PCDHA7: variants seen among roughly 807,000 people sequenced by gnomAD.
The protein encoded by PCDHA7 is protocadherin alpha 7.
PCDHA7 carries 37 observed loss-of-function variants against 57.2 expected under a neutral mutation model. That is an observed-to-expected ratio of 0.65 (90% CI 0.50 to 0.85). The LOEUF is 0.85. Ranked by LOEUF, PCDHA7 falls within the 40% of genes least tolerant of loss-of-function variation. PCDHA7 has a pLI of 0.00. For missense variants in PCDHA7, 1,188 were observed against 1,241.8 expected (o/e 0.96, Z 0.65); for synonymous variants, 553 against 558.8 (o/e 0.99, Z 0.15).
intron 1 of PCDHA7, chr5:140,858,539 T>G: frequency 7.1e-7 from 1 of 1,399,640 alleles, no homozygotes; most frequent in Admixed American, 2.0e-5. Context: ...TTTGTCTACA[T>G]TCCATTTATG....
rs543804071 is a variant in PCDHA7, at chr5:140,951,447, C to T, written c.2356-27502C>T. Among the ~76,000 whole-genome samples the T allele has an allele frequency of 2.2e-4, 34 of 152,004 alleles. No homozygotes were observed. In the South Asian group the frequency reaches 5.8e-3, roughly 26 times the overall value. On this transcript the variant is annotated intron_variant, in intron 1 of 3. Coordinates refer to ENST00000525929, the MANE Select transcript of PCDHA7 (RefSeq NM_018910.3). ...CCACAGGCTGTAGGAAGCATGATGC[C>T]GGCCATCTGCTTGGCTTCTGGGGAG...
chr5:140,980,085 T>C (rs1294414077), intron 2 of PCDHA7, among the ~76,000 whole-genome samples: 1 of 152,242 alleles, frequency 6.6e-6, no homozygotes, highest in Non-Finnish European at 1.5e-5. Context: ...AGATTAGTAG[T>C]TGGCTTGGTA....
chr5:140,877,987 C>A (rs1290531354), intron 1 of PCDHA7: 13 of 1,151,196 alleles, frequency 1.1e-5, no homozygotes, highest in African/African-American at 3.1e-5. Context: ...TCATTTTGAA[C>A]TTTTATGTAT....
intron 1 of PCDHA7, chr5:140,966,860 T>C (rs1586162562): frequency 3.2e-6 from 5 of 1,577,484 alleles, no homozygotes; most frequent in East Asian, 2.3e-5. Context: ...CCTGCTGCTG[T>C]TGCTGCTGCT....
At chr5:140,934,151 A>G (rs1478465122) in intron 1 of PCDHA7, among the ~76,000 whole-genome samples, 3 of 152,088 alleles carry the variant, frequency 2.0e-5, no homozygotes, top group African/African-American at 7.2e-5. Context: ...TTATATGTTT[A>G]TATTTCAGTG....
intron 1 of PCDHA7, among the ~76,000 whole-genome samples, chr5:140,925,526 C>T (rs2153578026): frequency 6.6e-6 from 1 of 152,028 alleles, no homozygotes; most frequent in Non-Finnish European, 1.5e-5. Flanking sequence ...AAATTAAAAG[C>T]GAGGAGAAAT....
chr5:140,994,473 C>T (rs1199561805), intron 3 of PCDHA7, among the ~76,000 whole-genome samples: 2 of 152,038 alleles, frequency 1.3e-5, no homozygotes, highest in Admixed American at 6.5e-5. Flanking sequence ...GAGGCTGAGG[C>T]GGGTGGATTG....
At position 140,836,649 on chromosome 5, in the gene PCDHA7, C is replaced by T. The variant is rs2150266865; in HGVS notation, c.2266C>T (p.Gln756Ter). The change falls in exon 1 of 4, where the codon CAG becomes TAG. Residue 756 changes from glutamine (Q) to a stop codon, truncating the protein, a stop_gained. Coordinates refer to ENST00000525929, the MANE Select transcript of PCDHA7 (RefSeq NM_018910.3). LOFTEE classifies it high-confidence loss of function. ...CTGGTCATTCTCCCAGCAGAGGCGG[C>T]AGAGGGTGTGCTCTGGGGAGGGCCC... ...GSWSFSQQRR[Q>*]RVCSGEGPPK... The T allele has an allele frequency of 6.2e-6, 10 of 1,613,466 alleles. No homozygotes were observed. The highest frequency in any genetic ancestry group is 8.5e-6 in the Non-Finnish European group (10 of 1,179,602).
At chr5:140,880,045 G>A (rs1345443297) in intron 1 of PCDHA7, among the ~76,000 whole-genome samples, 2 of 152,164 alleles carry the variant, frequency 1.3e-5, no homozygotes, top group Admixed American at 6.5e-5. Flanking sequence ...GGATTAAGAT[G>A]TGGGCATAAC....
intron 1 of PCDHA7, among the ~76,000 whole-genome samples, chr5:140,879,652 TAACA>T (rs2058069934): frequency 6.6e-6 from 1 of 152,226 alleles, no homozygotes; most frequent in African/African-American, 2.4e-5. Context: ...GTGGCTGCTA[TAACA>T]AACGAACACA....
chr5:140,935,921 C>G (rs1480748257), intron 1 of PCDHA7, among the ~76,000 whole-genome samples: 2 of 129,532 alleles, frequency 1.5e-5, no homozygotes, highest in African/African-American at 5.8e-5. Context: ...GAGACAGATT[C>G]TCATTCTGTT....
At chr5:140,941,194 T>TCTTC (rs781904538) in intron 1 of PCDHA7, among the ~76,000 whole-genome samples, 2 of 112,354 alleles carry the variant, frequency 1.8e-5, no homozygotes, top group Non-Finnish European at 3.8e-5. Context: ...TCTTTTTTTT[T>TCTTC]CTTTCTTCCT....
At chr5:140,980,437 C>G (rs1586844281) in intron 2 of PCDHA7, among the ~76,000 whole-genome samples, 1 of 152,156 alleles carries the variant, frequency 6.6e-6, no homozygotes, top group Admixed American at 6.5e-5. Flanking sequence ...CGAGACCATC[C>G]TGGACAACAC....
In PCDHA7 at chr5:140,855,796, A is replaced by G. The variant is rs140328724; in HGVS notation, c.2355+19058A>G. 580 of 464,912 alleles carry G rather than the reference A, an allele frequency of 1.2e-3. 24 individuals carry two copies. The highest frequency in any genetic ancestry group is 0.011 in the African/African-American group (538 of 50,868). 28.8% of individuals were successfully genotyped at this position (464,912 alleles called of 1,614,324 possible). On this transcript the variant is annotated intron_variant, in intron 1 of 3. Transcript: ENST00000525929. ...AAATACGTAAAAAAAGAATTAACAT[A>G]TGAATGAAAGAAAAGTTGTGAACTC...
At chr5:140,850,016 C>T (rs2150463409) in intron 1 of PCDHA7, 1 of 1,596,912 alleles carries the variant, frequency 6.3e-7, no homozygotes, top group Non-Finnish European at 8.6e-7. Context: ...TGTCGAGCTA[C>T]GTGTCAGTGC....
chr5:140,884,155 C>T (rs781815602), intron 1 of PCDHA7: 1 of 1,613,430 alleles, frequency 6.2e-7, no homozygotes, highest in Non-Finnish European at 8.5e-7. Flanking sequence ...TGTACACTGG[C>T]GAGATCAGCA....
intron 1 of PCDHA7, chr5:140,968,491 T>C: frequency 6.2e-7 from 1 of 1,614,130 alleles, no homozygotes; most frequent in Non-Finnish European, 8.5e-7. Flanking sequence ...TGAATGACCA[T>C]GCCCCTCACA....
intron 1 of PCDHA7, chr5:140,927,826 G>T (rs782694866): frequency 2.5e-6 from 4 of 1,614,076 alleles, no homozygotes; most frequent in Middle Eastern, 3.3e-4. Flanking sequence ...ATACATTGAG[G>T]CGAGGGACGA....
At chr5:140,870,370 GT>G in intron 1 of PCDHA7, 1 of 1,614,208 alleles carries the variant, frequency 6.2e-7, no homozygotes. Context: ...CTATGAACTG[GT>G]GGTGACTGCG....
Sources: allele counts gnomAD v4.1 joint callset (sites outside exome capture counted in the v4.1 genomes callset), GRCh38; gene constraint gnomAD v4.1.1; transcripts MANE v1.5; gene names NCBI Gene and HGNC (gene_info 2026-07-23, HGNC 2026-07-21).